Variants in CHST15 observed in about 807,000 individuals in gnomAD.
CHST15 encodes B cell RAG associated protein (GALNAC4S-6ST).
In CHST15, 30 loss-of-function variants were observed where a neutral mutation model predicts 53.6. The ratio of observed to expected loss-of-function variants is 0.56; its 90% CI spans 0.42 to 0.76. CHST15 has a LOEUF of 0.76. Ranked by LOEUF, CHST15 falls within the 30% of genes least tolerant of loss-of-function variation. The pLI, the probability that CHST15 is intolerant of heterozygous loss-of-function variation, is 0.00. For synonymous variants in CHST15, 296 were observed against 289.8 expected (o/e 1.02, Z -0.22); for missense variants, 627 against 740.5 (o/e 0.85, Z 1.78).
intron 5 of CHST15, 56 bp from the exon 6 acceptor site, chr10:124,021,468 T>G (rs976728393): frequency 1.3e-6 from 2 of 1,559,546 alleles, no homozygotes; most frequent in African/African-American, 1.4e-5. Flanking sequence ...ATCACACCAT[T>G]TGGGCGACAA....
At chr10:124,010,463 G>A (rs1444489711) in intron 7 of CHST15, 124 bp from the exon 8 acceptor site, 1 of 1,399,178 alleles carries the variant, frequency 7.1e-7, no homozygotes, top group Non-Finnish European at 9.3e-7. Flanking sequence ...ACATATTTAG[G>A]GATTAAAATT....
intron 1 of CHST15, among the ~76,000 whole-genome samples, chr10:124,057,317 G>A (rs1024034442): frequency 6.6e-6 from 1 of 152,194 alleles, no homozygotes; most frequent in African/African-American, 2.4e-5. Flanking sequence ...AGTGAGCGTT[G>A]ACTAGCCGGC....
At chr10:124,062,836 C>T (rs945826730) in intron 1 of CHST15, among the ~76,000 whole-genome samples, 5 of 152,094 alleles carry the variant, frequency 3.3e-5, no homozygotes, top group African/African-American at 1.2e-4. Flanking sequence ...GACTTAAACG[C>T]AAGCTGAAGA....
At chr10:124,067,702 C>T (rs990878961) in intron 1 of CHST15, among the ~76,000 whole-genome samples, 4 of 152,142 alleles carry the variant, frequency 2.6e-5, no homozygotes, top group Non-Finnish European at 5.9e-5. Flanking sequence ...CTGCAACCTC[C>T]GCCTCCTGGG....
chr10:124,060,912 G>C (rs981044297), intron 1 of CHST15, among the ~76,000 whole-genome samples: 1 of 152,146 alleles, frequency 6.6e-6, no homozygotes, highest in Non-Finnish European at 1.5e-5. Flanking sequence ...ACTGGTGTAG[G>C]GAGAAAGGGA....
At position 124,019,128 on chromosome 10, in the gene CHST15, T is replaced by A. The variant is rs1590187492; in HGVS notation, c.1347+2128A>T. On this transcript the variant is annotated intron_variant, in intron 6 of 7. Coordinates refer to ENST00000435907, the MANE Select transcript of CHST15 (RefSeq NM_001270764.2). This position sits in a 1 kb window ranked among gnomAD's most constrained non-coding sequence, Gnocchi z 4.6. The stretch of plus-strand genomic sequence containing the variant: ...AGGAAAGTGTAGATGTGGCACGAAA[T>A]GGGCCTGGCCTGAGTCACAGCTGCA... 6.6e-6 allele frequency among the ~76,000 whole-genome samples: 1 copy of A among 151,470 alleles called. No homozygotes were observed. The highest frequency in any genetic ancestry group is 1.5e-5 in the Non-Finnish European group (1 of 67,840).
rs202143309 is a variant in CHST15, at chr10:124,038,616, G to A, written c.1089C>T (p.Asp363=). 46 of 1,614,178 alleles carry A rather than the reference G, an allele frequency of 2.8e-5. No homozygotes were observed. The East Asian group carries it at 1.0e-3, about 35-fold the overall frequency. ...ACGGTGGCTCGCCATCCGTGCTGTT[G>A]TCGTAGAAGAACGTCCAGGCATTAT... ...WDNNAWTFFY[D]NSTDGEPPFL... is the part of the protein sequence containing the mutation. Residue 363 remains aspartate, a synonymous_variant, in exon 5 of 8, where the codon GAC becomes GAT. Coordinates refer to ENST00000435907, the MANE Select transcript of CHST15 (RefSeq NM_001270764.2).
At chr10:124,090,481 G>C (rs961561486) in intron 1 of CHST15, among the ~76,000 whole-genome samples, 3 of 152,146 alleles carry the variant, frequency 2.0e-5, no homozygotes, top group Non-Finnish European at 4.4e-5. Flanking sequence ...CAGACTCCTG[G>C]GGCCCAGCTA....
At chr10:124,018,344 T>C (rs1946656241) in intron 6 of CHST15, among the ~76,000 whole-genome samples, 1 of 152,264 alleles carries the variant, frequency 6.6e-6, no homozygotes, top group Non-Finnish European at 1.5e-5. Flanking sequence ...TCCAATTATA[T>C]CATTTAATAA....
At chr10:124,018,496 A>G (rs1267812688) in intron 6 of CHST15, among the ~76,000 whole-genome samples, 1 of 152,218 alleles carries the variant, frequency 6.6e-6, no homozygotes, top group Non-Finnish European at 1.5e-5. Flanking sequence ...ACTGGGGGAG[A>G]CACAGCCAGG....
chr10:124,012,274 C>T, intron 7 of CHST15, 59 bp downstream of exon 7: 1 of 1,570,682 alleles, frequency 6.4e-7, no homozygotes, highest in Non-Finnish European at 8.7e-7. Flanking sequence ...CAGAGGACTC[C>T]CAGAACAAGT....
At chr10:124,017,296 A>C (rs1026260782) in intron 6 of CHST15, among the ~76,000 whole-genome samples, 1 of 152,032 alleles carries the variant, frequency 6.6e-6, no homozygotes, top group African/African-American at 2.4e-5. Context: ...AGTCCTTTTC[A>C]GGCAGCCTCC....
intron 6 of CHST15, among the ~76,000 whole-genome samples, chr10:124,018,908 G>A (rs1029559029): frequency 6.6e-6 from 1 of 152,166 alleles, no homozygotes; most frequent in Non-Finnish European, 1.5e-5. Context: ...AGAGGGAAAA[G>A]GACTCGTGGG....
At chr10:124,091,289 T>C (rs1045061762) in intron 1 of CHST15, among the ~76,000 whole-genome samples, 3 of 152,178 alleles carry the variant, frequency 2.0e-5, no homozygotes, top group Non-Finnish European at 4.4e-5. Context: ...AATTAGTAAG[T>C]GCCATGTTCT....
chr10:124,087,421 C>T (rs1488316828), intron 1 of CHST15, among the ~76,000 whole-genome samples: 2 of 152,296 alleles, frequency 1.3e-5, no homozygotes, highest in Admixed American at 6.5e-5. Flanking sequence ...GCTAAGCCAC[C>T]GAGTTCCAGC....
chr10:124,078,217 C>A (rs928961221), intron 1 of CHST15, among the ~76,000 whole-genome samples: 3 of 152,268 alleles, frequency 2.0e-5, no homozygotes, highest in African/African-American at 2.4e-5. Flanking sequence ...CAGGCCTGAG[C>A]CAAGGAGGGA....
chr10:124,064,827 C>G (rs1948705559), intron 1 of CHST15, among the ~76,000 whole-genome samples: 1 of 152,186 alleles, frequency 6.6e-6, no homozygotes, highest in Admixed American at 6.5e-5. Context: ...GACCCCTTCC[C>G]TGAAACCCCA....
intron 5 of CHST15, among the ~76,000 whole-genome samples, chr10:124,022,807 A>C (rs969410549): frequency 4.2e-5 from 5 of 119,294 alleles, no homozygotes; most frequent in African/African-American, 6.6e-5. Context: ...GCTCCTTGGC[A>C]TTTCTTTTTT....
intron 1 of CHST15, among the ~76,000 whole-genome samples, chr10:124,062,042 T>C (rs1288596582): frequency 6.6e-6 from 1 of 151,710 alleles, no homozygotes; most frequent in Admixed American, 6.6e-5. Context: ...TCTATTACCA[T>C]TCAACTCCAA....
Sources: allele counts gnomAD v4.1 joint callset (sites outside exome capture counted in the v4.1 genomes callset), GRCh38; gene constraint gnomAD v4.1.1; non-coding constraint Gnocchi (gnomAD v3.1); transcripts MANE v1.5; gene names NCBI Gene and HGNC (gene_info 2026-07-23, HGNC 2026-07-21).